USP9X: variants seen among roughly 807,000 people sequenced by gnomAD.
USP9X encodes ubiquitin carboxyl-terminal hydrolase 9X.
Under a neutral mutation model 190.3 loss-of-function variants are expected in USP9X, and 7 were observed. The observed-to-expected ratio is 0.04, with a 90% confidence interval of 0.02 to 0.07. The LOEUF (loss-of-function observed/expected upper bound fraction) is 0.07, where lower values mean the gene tolerates loss of function less well. Ranked by LOEUF, USP9X falls within the 10% of genes least tolerant of loss-of-function variation. The pLI, the probability that USP9X is intolerant of heterozygous loss-of-function variation, is 1.00. For missense variants in USP9X, 1,010 were observed against 1,916.9 expected, an observed-to-expected ratio of 0.53 and a Z score of 8.83; for synonymous variants, 645 against 659.5, an observed-to-expected ratio of 0.98 and a Z score of 0.34.
intron 1 of USP9X, among the ~76,000 whole-genome samples, chrX:41,116,509 T>C (rs1393196898): frequency 8.9e-6 from 1 of 112,169 alleles, no homozygotes; most frequent in Non-Finnish European, 1.9e-5. Flanking sequence ...CCCAGCTGTT[T>C]CCACCACTTG....
chrX:41,099,082 A>G (rs187663760), intron 1 of USP9X, among the ~76,000 whole-genome samples: 75 of 89,602 alleles, frequency 8.4e-4, no homozygotes, highest in Middle Eastern at 0.013. Context: ...ACATGCCATA[A>G]TGCCCAGATA....
chrX:41,214,822 G>C, intron 34 of USP9X, 113 bp downstream of exon 34: 1 of 802,786 alleles, frequency 1.2e-6, no homozygotes, highest in African/African-American at 2.2e-5. Context: ...TCCTACTTTG[G>C]TATAGTGGTA....
chrX:41,135,314 A>G (rs2059418691), intron 5 of USP9X, among the ~76,000 whole-genome samples: 1 of 110,799 alleles, frequency 9.0e-6, no homozygotes, highest in Non-Finnish European at 1.9e-5. Context: ...GGAGGGAGGG[A>G]TTAAAAAAAA....
At chrX:41,146,449 C>T (rs766962137) in intron 11 of USP9X, among the ~76,000 whole-genome samples, 1 of 112,013 alleles carries the variant, frequency 8.9e-6, no homozygotes, top group East Asian at 2.8e-4. Context: ...TTAGACTTTG[C>T]TTTATGTACT....
chrX:41,107,543 C>T (rs1278222087), intron 1 of USP9X, among the ~76,000 whole-genome samples: 1 of 112,336 alleles, frequency 8.9e-6, no homozygotes, highest in Non-Finnish European at 1.9e-5. Context: ...ATTTGTCGAA[C>T]TTCCTGCGTG....
chrX:41,156,263 A>G (rs1429412094), intron 14 of USP9X, among the ~76,000 whole-genome samples: 1 of 112,078 alleles, frequency 8.9e-6, no homozygotes, highest in Non-Finnish European at 1.9e-5. Context: ...CTGTTCTCCC[A>G]TGTTCAGATC....
intron 16 of USP9X, 90 bp downstream of exon 16, chrX:41,166,304 TTTACTC>T (rs1461776858): frequency 1.5e-6 from 1 of 684,553 alleles, no homozygotes; most frequent in South Asian, 3.9e-5. Context: ...AATTGTGTAT[TTTACTC>T]TGATGTTTGT....
chrX:41,112,062 C>G, intron 1 of USP9X, among the ~76,000 whole-genome samples: 1 of 111,578 alleles, frequency 9.0e-6, no homozygotes, highest in African/African-American at 3.3e-5. Flanking sequence ...TCAGGCTGGT[C>G]TCGAACTCCC....
chrX:41,115,317 G>C (rs1002470711), intron 1 of USP9X, among the ~76,000 whole-genome samples: 1 of 110,957 alleles, frequency 9.0e-6, no homozygotes, highest in African/African-American at 3.3e-5. Context: ...GTACAGTTAG[G>C]TCTCTTGTCT....
intron 26 of USP9X, among the ~76,000 whole-genome samples, chrX:41,191,888 A>C (rs1404678704): frequency 8.9e-6 from 1 of 111,844 alleles, no homozygotes; most frequent in Non-Finnish European, 1.9e-5. Context: ...GGCAGGATTT[A>C]TATGTGCATA....
intron 1 of USP9X, among the ~76,000 whole-genome samples, chrX:41,119,719 A>G (rs1302618441): frequency 8.9e-6 from 1 of 112,738 alleles, no homozygotes; most frequent in Non-Finnish European, 1.9e-5. Flanking sequence ...AGTCCCAGCT[A>G]CTCGGGAGGC....
At chrX:41,101,423 CAA>C (rs1223031371) in intron 1 of USP9X, among the ~76,000 whole-genome samples, 5 of 93,604 alleles carry the variant, frequency 5.3e-5, no homozygotes, top group Admixed American at 1.2e-4. Flanking sequence ...ACCAAAAATA[CAA>C]AAAAAAAAAA....
intron 23 of USP9X, 101 bp downstream of exon 23, chrX:41,184,776 G>A: frequency 2.8e-6 from 2 of 703,319 alleles, no homozygotes; most frequent in Non-Finnish European, 4.1e-6. Context: ...TTGACTCAAT[G>A]TTCAAAGTGC....
chrX:41,126,003 G>A (rs2062247222), intron 2 of USP9X, among the ~76,000 whole-genome samples: 1 of 111,318 alleles, frequency 9.0e-6, no homozygotes, highest in Admixed American at 9.6e-5. Flanking sequence ...ACATGTTTAT[G>A]TAGAGTCAGG....
intron 2 of USP9X, among the ~76,000 whole-genome samples, chrX:41,125,643 AAC>A (rs748348083): frequency 0.036 from 1,009 of 27,645 alleles, 26 homozygotes; most frequent in Non-Finnish European, 0.052. Context: ...CCCTCCCGCC[AAC>A]ACACACACAC....
rs141392493 is a variant in USP9X at position 41,170,342 on chromosome X, G to A, written c.2877+107G>A. 3.3e-3 allele frequency: 3,513 copies of A among 1,073,445 alleles called. 71 individuals carry two copies. In the East Asian group the frequency reaches 0.055, roughly 17 times the overall value. 88.5% of individuals were successfully genotyped at this position (1,073,445 alleles called of 1,213,427 possible). On this transcript the variant is annotated intron_variant, in intron 19 of 44. Coordinates refer to ENST00000378308, the MANE Select transcript of USP9X (RefSeq NM_001039591.3). ...TGTTATGTTTGGGACTGTGTTAGGT[G>A]TTAGAGTTATAGCATTAAAGTATAG...
rs368487862 is a variant in USP9X, at chrX:41,170,649, T to C, written c.3027+30T>C. 10 of 1,182,458 alleles carry C rather than the reference T, an allele frequency of 8.5e-6. No homozygotes were observed. In the African/African-American group the frequency reaches 1.6e-4, roughly 19 times the overall value. ...GTAGATACAGTTTTGAACTACTGTA[T>C]GTAAGGCATCATGCTAGGGTTTTTG... On this transcript the variant is annotated intron_variant, in intron 20 of 44. Coordinates refer to ENST00000378308, the MANE Select transcript of USP9X (RefSeq NM_001039591.3).
chrX:41,216,711 A>G (rs2063215191), intron 35 of USP9X, 59 bp downstream of exon 35: 3 of 1,095,694 alleles, frequency 2.7e-6, no homozygotes, highest in East Asian at 3.1e-5. Flanking sequence ...GTAGGCGTCA[A>G]CATGTTTAAG....
At chrX:41,113,669 G>T (rs1057184093) in intron 1 of USP9X, among the ~76,000 whole-genome samples, 1 of 111,234 alleles carries the variant, frequency 9.0e-6, no homozygotes, top group Non-Finnish European at 1.9e-5. Flanking sequence ...TTCAAACTGT[G>T]TGGTCCACTT....
Sources: gnomAD v4.1 joint callset for allele counts (sites outside exome capture counted in the v4.1 genomes callset) on GRCh38, gnomAD v4.1.1 for gene constraint, MANE v1.5 for transcripts, NCBI Gene and HGNC (gene_info 2026-07-23, HGNC 2026-07-21) for gene names.